The following SMARCAL1 variants were observed in gnomAD, a reference collection of about 807,000 sequenced individuals.
The protein encoded by SMARCAL1 is ATP-driven annealing helicase.
A neutral mutation model predicts 94.5 loss-of-function variants in SMARCAL1; 58 were observed. The ratio of observed to expected loss-of-function variants is 0.61; its 90% CI spans 0.50 to 0.76. The LOEUF (loss-of-function observed/expected upper bound fraction) is 0.76, where lower values mean the gene tolerates loss of function less well. SMARCAL1 is among the 30% of genes least tolerant of loss of function. The pLI, the probability that SMARCAL1 is intolerant of heterozygous loss-of-function variation, is 0.00. For synonymous variants in SMARCAL1, 422 were observed against 455.1 expected (o/e 0.93, Z 0.93); for missense variants, 1,051 against 1,177.9 (o/e 0.89, Z 1.58).
At position 216,475,759 on chromosome 2, in the gene SMARCAL1, T is replaced by A. The variant is rs1050268695; in HGVS notation, c.2427+308T>A. ...CCTCCCGAGTAGCTAGGATTACAGG[T>A]GTGAGCCACCACGCCAGGCGATTGG... is the stretch of plus-strand genomic sequence containing the variant. On this transcript the variant is annotated intron_variant, in intron 15 of 17. Coordinates refer to ENST00000357276, the MANE Select transcript of SMARCAL1 (RefSeq NM_014140.4). The surrounding 1 kb of genome is among the most constrained non-coding windows in gnomAD (Gnocchi z 4.4). Among the ~76,000 whole-genome samples, 2 of 151,740 alleles carry A rather than the reference T, an allele frequency of 1.3e-5. No homozygotes were observed. The highest frequency in any genetic ancestry group is 4.8e-5 in the African/African-American group (2 of 41,286).
Position 216,414,637 on chromosome 2 carries a change from T to C in SMARCAL1, c.-58-10T>C. The C allele has an allele frequency of 1.5e-6, 2 of 1,338,046 alleles. No individual in the cohort carries two copies. Among genetic ancestry groups the C allele is most frequent in the South Asian group, 2.4e-5 (2 of 84,436 alleles). The allele number at this position is 1,338,046 out of a possible 1,614,324, so 82.9% of individuals were successfully genotyped here. A position where few individuals can be genotyped will look rare whatever the true frequency, so the allele number is the denominator to read the frequency against. The stretch of plus-strand genomic sequence containing the variant: ...AATGTTCATTTCATTCTTCTTACTT[T>C]CTTCCACAGCTTTTGCCAACTTTCC... On this transcript the variant is annotated splice_polypyrimidine_tract_variant and intron_variant, in intron 2 of 17. Transcript: ENST00000357276.
rs145301193 is a variant in SMARCAL1 at position 216,422,225 on chromosome 2, C to T, written c.1097-1408C>T. 4.1e-3 allele frequency among the ~76,000 whole-genome samples: 626 copies of T among 152,234 alleles called. 4 individuals are homozygous for T. Among genetic ancestry groups the T allele is most frequent in the African/African-American group, 0.014 (576 of 41,540 alleles). On this transcript the variant is annotated intron_variant, in intron 5 of 17. Transcript: ENST00000357276. ...GGTGAAACCCTGTCTACTAAAAATA[C>T]AAAAACTAGCCAGGCGTGGTGGTGC...
chr2:216,478,591 T>C (rs1384937606), intron 17 of SMARCAL1, among the ~76,000 whole-genome samples: 1 of 152,192 alleles, frequency 6.6e-6, no homozygotes. Context: ...AAATGTTGAA[T>C]TGTTTCAAAA....
chr2:216,467,253 T>C (rs2106076251), intron 13 of SMARCAL1, among the ~76,000 whole-genome samples: 1 of 152,146 alleles, frequency 6.6e-6, no homozygotes, highest in South Asian at 2.1e-4. Flanking sequence ...GGCAAATCAC[T>C]TGAGGTCAGG....
In SMARCAL1 at chr2:216,415,671, T is replaced by C. The variant is rs79736801; in HGVS notation, c.811+156T>C. 0.019 allele frequency among the ~76,000 whole-genome samples: 2,835 copies of C among 152,242 alleles called. 109 individuals carry two copies. Among genetic ancestry groups the C allele is most frequent in the African/African-American group, 0.065 (2,707 of 41,524 alleles). On this transcript the variant is annotated intron_variant, in intron 3 of 17. Transcript: ENST00000357276. ...TTCAATTTTAGCTTGTTTCCCTTCATAATAGTCATTCCCTTAAACAGCTGC... is the reference window on the plus strand; with the variant it reads ...TTCAATTTTAGCTTGTTTCCCTTCACAATAGTCATTCCCTTAAACAGCTGC...
chr2:216,441,975 T>G (rs13411858), intron 10 of SMARCAL1, among the ~76,000 whole-genome samples: 34,720 of 152,158 alleles, frequency 0.23, 4,407 homozygotes, highest in East Asian at 0.34. Context: ...AGTCCTACCA[T>G]TCTTTCCTAA....
In SMARCAL1 at chr2:216,482,729, C is replaced by G. The variant is rs1399359182; in HGVS notation, c.2626-9C>G. The G allele has an allele frequency of 6.2e-7, 1 of 1,614,060 alleles. No individual in the cohort carries two copies. Among genetic ancestry groups the G allele is most frequent in the Non-Finnish European group, 8.5e-7 (1 of 1,180,036 alleles). ...TCCTTTTATCTTTTGTTTTCTTTCT[C>G]TGATGAAGGACCCAAAGCAGCAGAA... On this transcript the variant is annotated splice_polypyrimidine_tract_variant and intron_variant, in intron 17 of 17. Coordinates refer to ENST00000357276, the MANE Select transcript of SMARCAL1 (RefSeq NM_014140.4). The surrounding 1 kb of genome is among the most constrained non-coding windows in gnomAD (Gnocchi z 4.3).
intron 10 of SMARCAL1, chr2:216,446,691 C>T (rs746748870): frequency 1.2e-5 from 6 of 497,998 alleles, no homozygotes; most frequent in Middle Eastern, 3.0e-4. Flanking sequence ...GGTTACTTGG[C>T]GTCAGGCATA....
chr2:216,434,234 A>AAGGCCAGCCCTCCCTGTATTGAAC (rs1694024565), intron 8 of SMARCAL1, among the ~76,000 whole-genome samples: 1 of 152,074 alleles, frequency 6.6e-6, no homozygotes, highest in Non-Finnish European at 1.5e-5. Flanking sequence ...GGTTAGAGAA[A>AAGGCCAGCCCTCCCTGTATTGAAC]AGGCCAGCCC....
chr2:216,417,064 G>T (rs539956875), intron 4 of SMARCAL1, among the ~76,000 whole-genome samples: 1 of 152,092 alleles, frequency 6.6e-6, no homozygotes, highest in South Asian at 2.1e-4. Context: ...TTTCTACACC[G>T]TCTCTTCCTC....
chr2:216,451,220 C>T (rs1694443873), intron 12 of SMARCAL1, 156 bp downstream of exon 12: 3 of 702,350 alleles, frequency 4.3e-6, no homozygotes, highest in South Asian at 3.2e-5. Flanking sequence ...TTTCATTCCT[C>T]AGCCTACCTA....
intron 12 of SMARCAL1, among the ~76,000 whole-genome samples, chr2:216,452,552 C>T (rs557213832): frequency 1.6e-4 from 24 of 152,012 alleles, no homozygotes; most frequent in Non-Finnish European, 2.9e-4. Flanking sequence ...GTTAGTGTTT[C>T]GTGAGATTCC....
intron 9 of SMARCAL1, among the ~76,000 whole-genome samples, chr2:216,436,766 G>C (rs563620832): frequency 6.6e-6 from 1 of 152,194 alleles, no homozygotes; most frequent in Non-Finnish European, 1.5e-5. Flanking sequence ...CTTGTGTTAG[G>C]TACTGACATA....
intron 10 of SMARCAL1, among the ~76,000 whole-genome samples, chr2:216,444,342 T>C (rs1694259519): frequency 6.6e-6 from 1 of 152,086 alleles, no homozygotes; most frequent in Admixed American, 6.6e-5. Flanking sequence ...TGGCAAAATA[T>C]GTTACAGCCC....
chr2:216,450,096 T>G (rs903490500), intron 11 of SMARCAL1, among the ~76,000 whole-genome samples: 1 of 152,172 alleles, frequency 6.6e-6, no homozygotes, highest in Non-Finnish European at 1.5e-5. Flanking sequence ...GTGATCCTCC[T>G]GCCTCCGCCT....
intron 12 of SMARCAL1, among the ~76,000 whole-genome samples, chr2:216,456,645 G>T (rs925557191): frequency 6.6e-6 from 1 of 152,190 alleles, no homozygotes; most frequent in Non-Finnish European, 1.5e-5. Context: ...AGCAAATGCT[G>T]AGAGATTTTG....
chr2:216,445,622 A>G (rs540573164), intron 10 of SMARCAL1, among the ~76,000 whole-genome samples: 1 of 151,888 alleles, frequency 6.6e-6, no homozygotes, highest in African/African-American at 2.4e-5. Context: ...CCCCTTTTTC[A>G]TTGAAATGAT....
intron 10 of SMARCAL1, among the ~76,000 whole-genome samples, chr2:216,444,746 A>C (rs988205090): frequency 6.6e-6 from 1 of 152,130 alleles, no homozygotes; most frequent in African/African-American, 2.4e-5. Flanking sequence ...CGAACTCCTG[A>C]CCTCAGGTGA....
chr2:216,460,795 C>T (rs912968011), intron 12 of SMARCAL1, among the ~76,000 whole-genome samples: 3 of 151,978 alleles, frequency 2.0e-5, no homozygotes, highest in African/African-American at 7.2e-5. Flanking sequence ...TGTAACAAAC[C>T]TGCACGTTGT....
Sources: allele counts gnomAD v4.1 joint callset (sites outside exome capture counted in the v4.1 genomes callset), GRCh38; gene constraint gnomAD v4.1.1; non-coding constraint Gnocchi (gnomAD v3.1); transcripts MANE v1.5; gene names NCBI Gene and HGNC (gene_info 2026-07-23, HGNC 2026-07-21).